Variants in USP28 observed in about 807,000 individuals in gnomAD.
USP28 encodes ubiquitin carboxyl-terminal hydrolase 28.
A neutral mutation model predicts 145.0 loss-of-function variants in USP28; 113 were observed. The ratio of observed to expected loss-of-function variants is 0.78; its 90% CI spans 0.67 to 0.91. The LOEUF is 0.91. USP28 is among the 40% of genes least tolerant of loss of function. USP28 has a pLI of 0.00. For synonymous variants in USP28, 447 were observed against 450.9 expected, an observed-to-expected ratio of 0.99 and a Z score of 0.11; for missense variants, 1,201 against 1,289.6, an observed-to-expected ratio of 0.93 and a Z score of 1.05.
At chr11:113,821,744 G>C (rs1287189935) in intron 12 of USP28, 3 of 197,592 alleles carry the variant, frequency 1.5e-5, no homozygotes, top group African/African-American at 7.0e-5. Context: ...TCTTGCTAGG[G>C]GGCTGGTTCT....
At chr11:113,841,049 AAC>A (rs1227509707) in intron 4 of USP28, among the ~76,000 whole-genome samples, 5 of 152,234 alleles carry the variant, frequency 3.3e-5, no homozygotes, top group African/African-American at 1.2e-4. Context: ...TTTAGATTTC[AAC>A]ACAGTGTACT....
intron 15 of USP28, among the ~76,000 whole-genome samples, chr11:113,813,493 C>A (rs2023642): frequency 0.24 from 36,795 of 152,068 alleles, 4,759 homozygotes; most frequent in East Asian, 0.45. Flanking sequence ...AAAGCTTGAA[C>A]GCATGTTGTT....
intron 21 of USP28, 49 bp downstream of exon 22, chr11:113,804,624 C>T: frequency 1.3e-6 from 2 of 1,547,404 alleles, no homozygotes; most frequent in Middle Eastern, 1.7e-4. Flanking sequence ...GTACCATTTA[C>T]CTCAGGAATT....
intron 23 of USP28, 40 bp downstream of exon 24, chr11:113,803,118 A>C: frequency 6.3e-7 from 1 of 1,583,414 alleles, no homozygotes. Context: ...AGCAGAGGTA[A>C]ACAACAAAAA....
At chr11:113,859,327 A>AT (rs1463213027) in intron 1 of USP28, 1 of 152,238 alleles carries the variant, frequency 6.6e-6, no homozygotes, top group East Asian at 1.9e-4. Context: ...TATAAAACAC[A>AT]TAGCTATTAA....
chr11:113,816,133 G>A (rs577697346), intron 13 of USP28, among the ~76,000 whole-genome samples: 27 of 152,176 alleles, frequency 1.8e-4, no homozygotes, highest in African/African-American at 6.0e-4. Context: ...AAACCAGCAG[G>A]AATATAAAAT....
chr11:113,823,691 G>A (rs2135737556), exon 12 of USP28: 3 of 1,606,578 alleles, frequency 1.9e-6, no homozygotes, highest in Non-Finnish European at 2.5e-6. Context: ...CCTTGCTCCT[G>A]TACATGTACC....
intron 1 of USP28, among the ~76,000 whole-genome samples, chr11:113,867,678 C>T (rs1172269483): frequency 2.0e-5 from 3 of 151,782 alleles, no homozygotes; most frequent in Non-Finnish European, 2.9e-5. Flanking sequence ...TAGTACACCA[C>T]GATCATGCCT....
At chr11:113,868,577 C>T (rs929940510) in intron 1 of USP28, among the ~76,000 whole-genome samples, 8 of 152,060 alleles carry the variant, frequency 5.3e-5, no homozygotes, top group African/African-American at 1.9e-4. Flanking sequence ...CTGCATTTCT[C>T]ATCTGTAAGA....
chr11:113,818,882 CAA>C (rs532395394), intron 12 of USP28, among the ~76,000 whole-genome samples: 5 of 134,422 alleles, frequency 3.7e-5, no homozygotes, highest in Non-Finnish European at 1.6e-5. Flanking sequence ...AACAAAACAC[CAA>C]AAAAAAAAAA....
At chr11:113,833,904 T>C (rs1012839441) in intron 6 of USP28, among the ~76,000 whole-genome samples, 1 of 152,256 alleles carries the variant, frequency 6.6e-6, no homozygotes, top group Non-Finnish European at 1.5e-5. Context: ...CAGAATAAAA[T>C]AGACTAAGGC....
At chr11:113,815,326 T>A in exon 14 of USP28, 1 of 1,614,152 alleles carries the variant, frequency 6.2e-7, no homozygotes, top group Non-Finnish European at 8.5e-7. Context: ...GGGTAAAGAA[T>A]CTTCAGGAGA....
chr11:113,807,377 T>G (rs975939854), intron 18 of USP28, among the ~76,000 whole-genome samples: 3 of 83,858 alleles, frequency 3.6e-5, no homozygotes, highest in Non-Finnish European at 8.1e-5. Flanking sequence ...CCCAGCCTTG[T>G]CAATGATTTT....
intron 5 of USP28, among the ~76,000 whole-genome samples, chr11:113,835,782 T>C (rs1944499713): frequency 6.6e-6 from 1 of 152,210 alleles, no homozygotes; most frequent in Non-Finnish European, 1.5e-5. Context: ...TTGCCATTAT[T>C]CTTAAAAACC....
chr11:113,798,739 T>TC (rs1938398521), exon 25 of USP28: 1 of 152,616 alleles, frequency 6.6e-6, no homozygotes, highest in African/African-American at 2.4e-5. Flanking sequence ...AGGGTGCAGT[T>TC]CATCAGCAAC....
At chr11:113,804,799 C>G in intron 20 of USP28, 48 bp from the exon 22 acceptor site, 1 of 1,611,728 alleles carries the variant, frequency 6.2e-7, no homozygotes, top group Non-Finnish European at 8.5e-7. Context: ...CAGGGCAAAA[C>G]TTCCCCAACA....
chr11:113,861,644 T>G (rs1362484163), intron 1 of USP28, among the ~76,000 whole-genome samples: 1 of 152,220 alleles, frequency 6.6e-6, no homozygotes, highest in Non-Finnish European at 1.5e-5. Flanking sequence ...AATCACCTTC[T>G]TCCCGACCTA....
exon 25 of USP28, chr11:113,797,914 T>C (rs1411530945): frequency 1.3e-5 from 2 of 152,590 alleles, no homozygotes; most frequent in South Asian, 2.1e-4. Flanking sequence ...AAAATCTGCA[T>C]AGTTGTATCA....
At chr11:113,812,246 A>C (rs772608858) in intron 16 of USP28, 30 bp downstream of exon 16, 3 of 1,585,038 alleles carry the variant, frequency 1.9e-6, no homozygotes, top group South Asian at 2.2e-5. Flanking sequence ...GATTTTCCCC[A>C]ATCTATAGAT....
Sources: allele counts gnomAD v4.1 joint callset (sites outside exome capture counted in the v4.1 genomes callset), GRCh38; gene constraint gnomAD v4.1.1; transcripts MANE v1.5; gene names NCBI Gene and HGNC (gene_info 2026-07-23, HGNC 2026-07-21).